Variants in DNAJC9 observed in about 807,000 individuals in gnomAD.
DNAJC9 encodes DnaJ heat shock protein family (Hsp40) member C9.
In DNAJC9, 18 loss-of-function variants were observed where a neutral mutation model predicts 32.4. The ratio of observed to expected loss-of-function variants is 0.56; its 90% CI spans 0.38 to 0.82. The LOEUF is 0.82. DNAJC9 is among the 40% of genes least tolerant of loss of function. The pLI is 0.00. For missense variants in DNAJC9, 310 were observed against 321.8 expected (o/e 0.96, Z 0.28); for synonymous variants, 113 against 122.1 (o/e 0.93, Z 0.49).
At chr10:73,239,261 T>C (rs2043890336), downstream of DNAJC9, 10 of 1,446,238 alleles carry the variant, frequency 6.9e-6, no homozygotes, top group African/African-American at 1.4e-5. Context: ...TAAAATATTA[T>C]CCTTTGTGAG....
downstream of DNAJC9, among the ~76,000 whole-genome samples, chr10:73,239,960 T>G (rs1362668978): frequency 6.6e-6 from 1 of 152,232 alleles, no homozygotes; most frequent in Non-Finnish European, 1.5e-5. Context: ...AGTCTCACTC[T>G]GCTGATCAGG....
At chr10:73,234,688 CA>C, downstream of DNAJC9, 1 of 979,166 alleles carries the variant, frequency 1.0e-6, no homozygotes, top group Non-Finnish European at 1.5e-6. Flanking sequence ...TACTTGAAAA[CA>C]TAGGTAGCCT....
In DNAJC9 at chr10:73,243,603, G is replaced by A. The variant is rs951855229; in HGVS notation, c.664-84C>T. 53 of 1,543,884 alleles carry A rather than the reference G, an allele frequency of 3.4e-5. No homozygotes were observed. In the African/African-American group the frequency reaches 6.2e-4, roughly 18 times the overall value. ...AGTGGTTGCCAGGGGCTGGAAAAGTGGAATAACTACTAATGGGTATGGAGT... is the reference window on the plus strand; with the variant it reads ...AGTGGTTGCCAGGGGCTGGAAAAGTAGAATAACTACTAATGGGTATGGAGT... On this transcript the variant is annotated intron_variant, in intron 4 of 4. Transcript: ENST00000372950.
chr10:73,247,182 AGCCCCATGCCGG>A lies in DNAJC9; in HGVS notation c.-5_7del, dbSNP rs1398947018. 1.2e-5 allele frequency: 19 copies of A among 1,592,986 alleles called. No homozygotes were observed. Among genetic ancestry groups the A allele is most frequent in the Non-Finnish European group, 1.6e-5 (19 of 1,170,884 alleles). On this transcript the variant is annotated start_lost and 5_prime_UTR_variant, in exon 1 of 5. Transcript: ENST00000372950. ...GAACACTTCCTCGCAAAGGTCCAGC[AGCCCCATGCCGG>A]GCGGAGATACGACCCCGGAGGAAGC...
At chr10:73,246,912 G>A in intron 1 of DNAJC9, 84 bp from the exon 2 acceptor site, 1 of 1,596,416 alleles carries the variant, frequency 6.3e-7, no homozygotes, top group Non-Finnish European at 8.5e-7. Context: ...AAGGCGCCAA[G>A]CGGAGCTCAG....
chr10:73,233,179 A>G (rs1312467085), intron 2 of DNAJC9: 1 of 1,518,322 alleles, frequency 6.6e-7, no homozygotes, highest in South Asian at 1.2e-5. Flanking sequence ...TTTCAAAAGC[A>G]GAACTTCTGG....
At chr10:73,233,220 A>G (rs2043751582) in intron 2 of DNAJC9, 4 of 1,189,728 alleles carry the variant, frequency 3.4e-6, no homozygotes, top group Non-Finnish European at 4.9e-6. Flanking sequence ...CATTTTACAT[A>G]CAGAATTAAT....
At chr10:73,240,855 A>T, downstream of DNAJC9, 1 of 757,406 alleles carries the variant, frequency 1.3e-6, no homozygotes, top group Non-Finnish European at 2.3e-6. Context: ...AGTCCAATTC[A>T]TAATTGGAGC....
At chr10:73,240,518 C>T (rs1020537666), downstream of DNAJC9, among the ~76,000 whole-genome samples, 2 of 152,132 alleles carry the variant, frequency 1.3e-5, no homozygotes, top group Admixed American at 6.5e-5. Flanking sequence ...TGAGACCATC[C>T]TGGCTAACAT....
downstream of DNAJC9, among the ~76,000 whole-genome samples, chr10:73,235,817 A>C (rs1242600803): frequency 6.6e-6 from 1 of 151,990 alleles, no homozygotes; most frequent in East Asian, 1.9e-4. Flanking sequence ...ACAGGTGCAC[A>C]CCACTGTACC....
At chr10:73,235,464 AC>A, downstream of DNAJC9, 1 of 1,441,926 alleles carries the variant, frequency 6.9e-7, no homozygotes. Context: ...TGTTATAAAT[AC>A]ATTTTGTTCA....
At chr10:73,235,523 A>G, downstream of DNAJC9, 1 of 1,206,926 alleles carries the variant, frequency 8.3e-7, no homozygotes, top group Non-Finnish European at 1.1e-6. Context: ...TTATACAGAA[A>G]TCACAAATAT....
At chr10:73,238,637 A>T (rs1564719378), downstream of DNAJC9, 1 of 152,330 alleles carries the variant, frequency 6.6e-6, no homozygotes, top group Admixed American at 6.5e-5. Context: ...CTTTGCAAAA[A>T]ATAAGTTTGC....
intron 2 of DNAJC9, chr10:73,233,339 T>G (rs1306190474): frequency 1.7e-6 from 1 of 581,154 alleles, no homozygotes; most frequent in African/African-American, 1.9e-5. Context: ...TGGTTAAATT[T>G]TATTTTATTT....
chr10:73,240,853 T>G (rs2133420820), downstream of DNAJC9: 1 of 751,120 alleles, frequency 1.3e-6, no homozygotes, highest in East Asian at 2.8e-5. Context: ...AAAGTCCAAT[T>G]CATAATTGGA....
intron 3 of DNAJC9, among the ~76,000 whole-genome samples, chr10:73,245,334 A>C (rs2043993792): frequency 6.6e-6 from 1 of 151,472 alleles, no homozygotes; most frequent in South Asian, 2.1e-4. Context: ...CTAAGGTTTC[A>C]TCCTGAACCA....
downstream of DNAJC9, chr10:73,234,731 T>C: frequency 7.1e-7 from 1 of 1,418,136 alleles, no homozygotes; most frequent in Non-Finnish European, 9.6e-7. Flanking sequence ...ACTCATCTGC[T>C]TCATTTATCT....
intron 2 of DNAJC9, among the ~76,000 whole-genome samples, chr10:73,232,558 A>G (rs1245585788): frequency 6.6e-6 from 1 of 152,228 alleles, no homozygotes; most frequent in Non-Finnish European, 1.5e-5. Context: ...TTCAGCACAA[A>G]AGAATGCCTC....
intron 3 of DNAJC9, among the ~76,000 whole-genome samples, chr10:73,245,023 A>G (rs1163849392): frequency 1.3e-5 from 2 of 152,104 alleles, no homozygotes; most frequent in East Asian, 3.8e-4. Context: ...GCTCAGTTTC[A>G]TCTCAGGAAA....
Sources: allele counts gnomAD v4.1 joint callset (sites outside exome capture counted in the v4.1 genomes callset), GRCh38; gene constraint gnomAD v4.1.1; transcripts MANE v1.5; gene names NCBI Gene and HGNC (gene_info 2026-07-23, HGNC 2026-07-21).